The following DCC variants were observed in gnomAD, a reference collection of about 807,000 sequenced individuals.
DCC encodes DCC netrin 1 receptor, also known as netrin receptor DCC.
Under a neutral mutation model 172.5 loss-of-function variants are expected in DCC, and 58 were observed. That is an observed-to-expected ratio of 0.34 (90% CI 0.27 to 0.42). The LOEUF is 0.42. Ranked by LOEUF, DCC falls within the 10% of genes least tolerant of loss-of-function variation. The probability of loss-of-function intolerance (pLI) is 1.00; values close to 1 mark genes in which losing one functional copy is unlikely to be tolerated. For synonymous variants in DCC, 709 were observed against 644.5 expected (o/e 1.10, Z -1.52); for missense variants, 1,740 against 1,791.0 (o/e 0.97, Z 0.51).
At chr18:52,515,331 G>A (rs568867490) in intron 1 of DCC, among the ~76,000 whole-genome samples, 1 of 151,954 alleles carries the variant, frequency 6.6e-6, no homozygotes, top group African/African-American at 2.4e-5. Context: ...TAGACGGCTG[G>A]GTGTGGTGGC....
chr18:52,886,705 C>T (rs954911274), intron 2 of DCC, among the ~76,000 whole-genome samples: 1 of 152,146 alleles, frequency 6.6e-6, no homozygotes, highest in African/African-American at 2.4e-5. Flanking sequence ...CTATCTCCTA[C>T]CCTCTTCAGA....
At chr18:52,925,438 C>G (rs2040186415) in intron 5 of DCC, 68 bp downstream of exon 5, 4 of 1,476,364 alleles carry the variant, frequency 2.7e-6, no homozygotes, top group South Asian at 2.3e-5. Context: ...CATTTTAATG[C>G]TCATCACTGA....
At chr18:53,107,762 G>A (rs1207465976) in intron 7 of DCC, among the ~76,000 whole-genome samples, 1 of 151,792 alleles carries the variant, frequency 6.6e-6, no homozygotes, top group Non-Finnish European at 1.5e-5. Flanking sequence ...TTAAATGGTG[G>A]TTTCTGTTTG....
chr18:53,192,581 T>A lies in DCC; in HGVS notation c.1574-12635T>A, dbSNP rs904027844. On this transcript the variant is annotated intron_variant, in intron 9 of 28. Transcript: ENST00000442544. ...TTCCTGAAAAGCAGCTGACTATCAA[T>A]CAATAGAAAAAGCAGAAAATTGAAG... 3.7e-4 allele frequency among the ~76,000 whole-genome samples: 57 copies of A among 152,056 alleles called. 1 individual carries two copies.
At chr18:52,764,697 C>T (rs58860888) in intron 2 of DCC, among the ~76,000 whole-genome samples, 4 of 152,256 alleles carry the variant, frequency 2.6e-5, no homozygotes, top group African/African-American at 9.6e-5. Context: ...CTTTCAAAAC[C>T]GAAAGCCAAA....
At position 53,265,411 on chromosome 18, in the gene DCC, G is replaced by A. The variant is rs540948556; in HGVS notation, c.1912-40167G>A. Among the ~76,000 whole-genome samples, 16 of 152,324 alleles carry A rather than the reference G, an allele frequency of 1.1e-4. No homozygotes were observed. In the East Asian group the frequency reaches 2.9e-3, roughly 28 times the overall value. ...ACTATGCATTGGAGAAACACTCCAT[G>A]TATAAAGAAAACCTACAAAATGTGG... On this transcript the variant is annotated intron_variant, in intron 12 of 28. Transcript: ENST00000442544.
intron 1 of DCC, among the ~76,000 whole-genome samples, chr18:52,449,377 ACACAGTTT>A (rs1414914487): frequency 1.3e-5 from 2 of 152,256 alleles, no homozygotes; most frequent in African/African-American, 4.8e-5. Flanking sequence ...AAGATTGTGA[ACACAGTTT>A]CAGGGATTTG....
chr18:52,643,669 T>C (rs1249722014), intron 1 of DCC, among the ~76,000 whole-genome samples: 2 of 152,142 alleles, frequency 1.3e-5, no homozygotes, highest in Non-Finnish European at 2.9e-5. Context: ...TGGCCCACAT[T>C]CCACACTATT....
intron 5 of DCC, among the ~76,000 whole-genome samples, chr18:53,031,340 G>A (rs746096941): frequency 2.0e-5 from 3 of 152,106 alleles, no homozygotes; most frequent in Non-Finnish European, 4.4e-5. Context: ...TAGATATATT[G>A]CAGTCTTGTT....
intron 7 of DCC, among the ~76,000 whole-genome samples, chr18:53,133,884 A>G (rs1249673775): frequency 6.6e-6 from 1 of 152,206 alleles, no homozygotes; most frequent in Non-Finnish European, 1.5e-5. Context: ...ACAAAGAAGA[A>G]TAAAATTCAG....
intron 2 of DCC, among the ~76,000 whole-genome samples, chr18:52,809,980 G>A (rs887439757): frequency 5.3e-5 from 8 of 151,952 alleles, no homozygotes; most frequent in South Asian, 4.2e-4. Context: ...GGTGGGTGTG[G>A]TCACCTTCCC....
chr18:52,725,258 C>T, intron 1 of DCC, among the ~76,000 whole-genome samples: 1 of 152,186 alleles, frequency 6.6e-6, no homozygotes, highest in Non-Finnish European at 1.5e-5. Flanking sequence ...CAGAGCACTG[C>T]TGAGAGCGCC....
chr18:52,850,088 T>C (rs1438319110), intron 2 of DCC, among the ~76,000 whole-genome samples: 1 of 152,156 alleles, frequency 6.6e-6, no homozygotes, highest in Non-Finnish European at 1.5e-5. Context: ...AAGAAGTATT[T>C]TTTTACCATC....
At chr18:53,372,669 C>T (rs192333460) in intron 15 of DCC, among the ~76,000 whole-genome samples, 19 of 152,140 alleles carry the variant, frequency 1.2e-4, no homozygotes, top group African/African-American at 4.6e-4. Flanking sequence ...TTGCAAATTA[C>T]AGAAGACAAG....
At chr18:52,793,928 A>G (rs576805450) in intron 2 of DCC, among the ~76,000 whole-genome samples, 1 of 152,210 alleles carries the variant, frequency 6.6e-6, no homozygotes, top group East Asian at 1.9e-4. Context: ...TGCCTTTTTT[A>G]AAAAATCAGT....
intron 1 of DCC, among the ~76,000 whole-genome samples, chr18:52,364,593 C>T (rs565466899): frequency 5.3e-5 from 8 of 152,286 alleles, no homozygotes; most frequent in East Asian, 1.9e-4. Flanking sequence ...AGCATTCCTC[C>T]GAAGATCCTC....
rs551020973 is a variant in DCC, at chr18:52,893,521, G to A, written c.413-12523G>A. ...ATAAATTCTTGTTTCAATGACCTTT[G>A]AAATGAATAGGGAAATGTCTTGCCA... On this transcript the variant is annotated intron_variant, in intron 2 of 28. Transcript: ENST00000442544. Among the ~76,000 whole-genome samples the A allele has an allele frequency of 3.9e-5, 6 of 152,224 alleles. No individual in the cohort carries two copies. In the South Asian group the frequency reaches 8.3e-4, roughly 21 times the overall value.
At chr18:52,594,765 G>T (rs971000703) in intron 1 of DCC, among the ~76,000 whole-genome samples, 2 of 152,120 alleles carry the variant, frequency 1.3e-5, no homozygotes, top group African/African-American at 4.8e-5. Context: ...GAGCAAGAGA[G>T]CGTAGCAAGG....
At chr18:53,458,256 G>A (rs1478379117) in intron 23 of DCC, among the ~76,000 whole-genome samples, 1 of 152,162 alleles carries the variant, frequency 6.6e-6, no homozygotes, top group Non-Finnish European at 1.5e-5. Flanking sequence ...TAGGGAAAGG[G>A]TCAAAAATGA....
Sources: gnomAD v4.1 joint callset for allele counts (sites outside exome capture counted in the v4.1 genomes callset) on GRCh38, gnomAD v4.1.1 for gene constraint, MANE v1.5 for transcripts, NCBI Gene and HGNC (gene_info 2026-07-23, HGNC 2026-07-21) for gene names.